The following GK variants were observed in gnomAD, a reference collection of about 807,000 sequenced individuals.
GK encodes ATP:glycerol 3-phosphotransferase.
GK carries 9 observed loss-of-function variants against 56.4 expected under a neutral mutation model. The ratio of observed to expected loss-of-function variants is 0.16; its 90% CI spans 0.10 to 0.28. The LOEUF (loss-of-function observed/expected upper bound fraction) is 0.28. Ranked by LOEUF, GK falls within the 10% of genes least tolerant of loss-of-function variation. The probability of loss-of-function intolerance (pLI) is 1.00; values close to 1 mark genes in which losing one functional copy is unlikely to be tolerated. For missense variants in GK, 161 were observed against 431.4 expected (o/e 0.37, Z 5.55); for synonymous variants, 104 against 144.1 (o/e 0.72, Z 1.99).
At chrX:30,713,108 CAT>C (rs1336078353) in intron 13 of GK, among the ~76,000 whole-genome samples, 3 of 111,501 alleles carry the variant, frequency 2.7e-5, no homozygotes, top group Non-Finnish European at 3.8e-5. Flanking sequence ...TCCATTAAGC[CAT>C]ATAGCCTCAG....
intron 13 of GK, among the ~76,000 whole-genome samples, chrX:30,711,127 C>CTTT (rs67617418): frequency 1.0e-5 from 1 of 97,252 alleles, no homozygotes. Flanking sequence ...TTTTCTTCTT[C>CTTT]TTTTTTTTTT....
At chrX:30,697,451 T>C (rs1485449510) in intron 8 of GK, among the ~76,000 whole-genome samples, 1 of 112,113 alleles carries the variant, frequency 8.9e-6, no homozygotes, top group African/African-American at 3.2e-5. Context: ...GTGCTCTGGA[T>C]AAAGCTTGAG....
chrX:30,713,479 CT>C (rs1431550639), intron 13 of GK, among the ~76,000 whole-genome samples: 1 of 111,780 alleles, frequency 8.9e-6, no homozygotes, highest in Non-Finnish European at 1.9e-5. Flanking sequence ...GAAGTACAAA[CT>C]CATTATTTCT....
At chrX:30,692,368 A>G (rs1038241335) in intron 5 of GK, among the ~76,000 whole-genome samples, 2 of 112,006 alleles carry the variant, frequency 1.8e-5, no homozygotes, top group Non-Finnish European at 3.8e-5. Context: ...CCCCATGATG[A>G]AAATAAGATA....
chrX:30,691,037 A>G (rs1934901169), intron 4 of GK, 86 bp from the exon 5 acceptor site: 1 of 533,715 alleles, frequency 1.9e-6, no homozygotes, highest in African/African-American at 2.4e-5. Context: ...GAAACTAATC[A>G]GTCTTTTATC....
At chrX:30,670,909 G>T (rs1015252307) in intron 3 of GK, among the ~76,000 whole-genome samples, 2 of 109,981 alleles carry the variant, frequency 1.8e-5, no homozygotes, top group African/African-American at 6.6e-5. Flanking sequence ...CTTGAACCCA[G>T]GAGGCAGAGG....
intron 13 of GK, among the ~76,000 whole-genome samples, chrX:30,712,567 A>G (rs1310829276): frequency 2.0e-5 from 2 of 101,239 alleles, no homozygotes; most frequent in East Asian, 6.2e-4. Flanking sequence ...TTTTTTTTTT[A>G]TTCTTAGTTT....
chrX:30,675,653 G>A (rs1346371849), intron 3 of GK, among the ~76,000 whole-genome samples: 3 of 105,672 alleles, frequency 2.8e-5, no homozygotes. Context: ...CTACAGGCGT[G>A]CACCACCATA....
intron 19 of GK, among the ~76,000 whole-genome samples, chrX:30,725,322 C>T (rs1267403590): frequency 8.9e-6 from 1 of 112,104 alleles, no homozygotes; most frequent in East Asian, 2.8e-4. Flanking sequence ...TATTTTCAGT[C>T]CCGGATGTTC....
At chrX:30,699,270 C>T (rs1332290138) in intron 9 of GK, among the ~76,000 whole-genome samples, 1 of 78,910 alleles carries the variant, frequency 1.3e-5, no homozygotes, top group Non-Finnish European at 2.5e-5. Flanking sequence ...TTATGTATAA[C>T]ATGTATATAT....
chrX:30,669,534 T>C (rs951908616), intron 3 of GK, among the ~76,000 whole-genome samples: 2 of 111,612 alleles, frequency 1.8e-5, no homozygotes, highest in African/African-American at 6.5e-5. Flanking sequence ...ATCATTCATA[T>C]AGGGAAAAAA....
intron 18 of GK, 72 bp from the exon 19 acceptor site, chrX:30,724,029 C>A: frequency 1.6e-6 from 1 of 631,738 alleles, no homozygotes; most frequent in Non-Finnish European, 2.6e-6. Flanking sequence ...GTTGAGTGAT[C>A]ATAAGTATGG....
At position 30,723,397 on chromosome X, in the gene GK, A is replaced by G. The variant is rs1224189863; in HGVS notation, c.1502-704A>G. Among the ~76,000 whole-genome samples the G allele has an allele frequency of 4.1e-4, 45 of 109,672 alleles. 1 individual carries two copies. Among genetic ancestry groups the G allele is most frequent in the African/African-American group, 1.4e-3 (42 of 30,200 alleles). The stretch of plus-strand genomic sequence containing the variant: ...GCGACAGAGCGAGACTCAGTCTCAA[A>G]AAAAAAAAAGAAATAAAAATGTCTC... On this transcript the variant is annotated intron_variant, in intron 18 of 20. Transcript: ENST00000427190.
chrX:30,715,752 T>C lies in GK; in HGVS notation c.976-2786T>C, dbSNP rs140240625. Reference sequence around the variant, plus strand: ...GTGAATTAGAGATGTCTCTCATTTTTATTTCTTTAAAAGCTAAATCATACC... The same window carrying C: ...GTGAATTAGAGATGTCTCTCATTTTCATTTCTTTAAAAGCTAAATCATACC... On this transcript the variant is annotated intron_variant, in intron 13 of 20. Coordinates refer to ENST00000427190, the MANE Select transcript of GK (RefSeq NM_001205019.2). Among the ~76,000 whole-genome samples, 685 of 112,478 alleles carry C rather than the reference T, an allele frequency of 6.1e-3. 4 individuals carry two copies. Among genetic ancestry groups the C allele is most frequent in the African/African-American group, 0.021 (651 of 31,047 alleles).
At chrX:30,709,742 ATAAT>A (rs1468814490) in intron 13 of GK, among the ~76,000 whole-genome samples, 3 of 111,012 alleles carry the variant, frequency 2.7e-5, no homozygotes, top group African/African-American at 6.5e-5. Context: ...ATTAATTAAA[ATAAT>A]TAATATTAAT....
chrX:30,703,771 G>A (rs762094206), intron 11 of GK, among the ~76,000 whole-genome samples: 1 of 110,386 alleles, frequency 9.1e-6, no homozygotes, highest in African/African-American at 3.3e-5. Context: ...GACCAGTCTG[G>A]CCATCATGGC....
intron 5 of GK, among the ~76,000 whole-genome samples, chrX:30,694,081 G>T (rs893406510): frequency 9.0e-6 from 1 of 111,557 alleles, no homozygotes; most frequent in Non-Finnish European, 1.9e-5. Flanking sequence ...TTTGGGCTAG[G>T]TTCTACATAC....
chrX:30,682,160 G>A (rs1934313135), intron 4 of GK, among the ~76,000 whole-genome samples: 1 of 111,584 alleles, frequency 9.0e-6, no homozygotes, highest in African/African-American at 3.3e-5. Flanking sequence ...AAATGGCCTT[G>A]TTTTCGACAA....
intron 5 of GK, among the ~76,000 whole-genome samples, chrX:30,692,194 C>T (rs1934973467): frequency 9.0e-6 from 1 of 111,033 alleles, no homozygotes; most frequent in Non-Finnish European, 1.9e-5. Flanking sequence ...CTGACCATTC[C>T]GTCCCCCCAC....
Sources: allele counts gnomAD v4.1 joint callset (sites outside exome capture counted in the v4.1 genomes callset), GRCh38; gene constraint gnomAD v4.1.1; transcripts MANE v1.5; gene names NCBI Gene and HGNC (gene_info 2026-07-23, HGNC 2026-07-21).